Variants in TIRAP observed in about 807,000 individuals in gnomAD.
The protein encoded by TIRAP is TIR domain containing adaptor protein, also known as toll/interleukin-1 receptor domain-containing adapter protein.
TIRAP carries 20 observed loss-of-function variants against 19.8 expected under a neutral mutation model. That is an observed-to-expected ratio of 1.01 (90% CI 0.71 to 1.47). The LOEUF (loss-of-function observed/expected upper bound fraction) is 1.47. Among genes scored for constraint, TIRAP ranks in the 40% most tolerant of loss-of-function variants. The pLI, the probability that TIRAP is intolerant of heterozygous loss-of-function variation, is 0.00. For missense variants in TIRAP, 276 were observed against 285.1 expected (o/e 0.97, Z 0.23); for synonymous variants, 125 against 121.7 (o/e 1.03, Z -0.18).
Position 126,293,053 on chromosome 11 carries a change from G to T in TIRAP, c.644G>T (p.Arg215Leu). Residue 215 changes from arginine to leucine, a missense_variant and splice_region_variant, in exon 4 of 5, where the codon CGT (arginine) becomes CTT (leucine). By Grantham distance (102) the Arg-to-Leu change is moderately radical. Coordinates refer to ENST00000392679, the MANE Select transcript of TIRAP (RefSeq NM_001318777.2). Reference sequence around the variant, plus strand: ...CGTCAAGTCAAAGAAGCTGTCATGCGTTGTAAGCTACTACAGGAGGGAGAA... The same window carrying T: ...CGTCAAGTCAAAGAAGCTGTCATGCTTTGTAAGCTACTACAGGAGGGAGAA... The part of the protein sequence containing the change: ...GFRQVKEAVM[R>L]YLQTLS The T allele has an allele frequency of 6.2e-7, 1 of 1,614,154 alleles. No homozygotes were observed. The highest frequency in any genetic ancestry group is 8.5e-7 in the Non-Finnish European group (1 of 1,180,030).
chr11:126,285,244 T>TGATATAAGAC (rs34942060), intron 1 of TIRAP, among the ~76,000 whole-genome samples: 1 of 18,594 alleles, frequency 5.4e-5, no homozygotes, highest in Non-Finnish European at 1.7e-4. Context: ...TGTGTGTGTG[T>TGATATAAGAC]ATATATATAT....
Position 126,291,029 on chromosome 11 carries a change from G to T in TIRAP, c.67+68G>T, listed in dbSNP as rs1951378407. ...TAGTGCTCAGCCTCCATAGGGCGCGGTGGGAGGCCTGCCTGGTCCAAACTC... is the reference window on the plus strand; with the variant it reads ...TAGTGCTCAGCCTCCATAGGGCGCGTTGGGAGGCCTGCCTGGTCCAAACTC... On this transcript the variant is annotated intron_variant, in intron 3 of 4. Coordinates refer to ENST00000392679, the MANE Select transcript of TIRAP (RefSeq NM_001318777.2). The surrounding 1 kb of genome is among the most constrained non-coding windows in gnomAD (Gnocchi z 5.6). 3 of 1,518,868 alleles carry T rather than the reference G, an allele frequency of 2.0e-6. No homozygotes were observed. Among genetic ancestry groups the T allele is most frequent in the Non-Finnish European group, 2.7e-6 (3 of 1,127,420 alleles). The allele number at this position is 1,518,868 out of a possible 1,614,324, so 94.1% of individuals were successfully genotyped here. A position where few individuals can be genotyped will look rare whatever the true frequency, so the allele number is the denominator to read the frequency against.
chr11:126,285,348 G>C (rs927748553), intron 1 of TIRAP, among the ~76,000 whole-genome samples: 1 of 151,308 alleles, frequency 6.6e-6, no homozygotes, highest in Non-Finnish European at 1.5e-5. Flanking sequence ...TGCAACCTCC[G>C]TCTCCCAGGT....
chr11:126,285,561 T>C (rs1471441724), intron 1 of TIRAP, among the ~76,000 whole-genome samples: 1 of 151,664 alleles, frequency 6.6e-6, no homozygotes, highest in Non-Finnish European at 1.5e-5. Flanking sequence ...TGCCCAGCCC[T>C]GGATATATAT....
chr11:126,292,843 TGCTCATCACGCCGG>T lies in TIRAP; in HGVS notation c.438_451del (p.Ile147ProfsTer39). On this transcript the variant is annotated frameshift_variant, in exon 4 of 5. Coordinates refer to ENST00000392679, the MANE Select transcript of TIRAP (RefSeq NM_001318777.2). LOFTEE classifies it high-confidence loss of function. ...CTGAGCAGTAGTCACTGCCGGGTGC[TGCTCATCACGCCGG>T]GCTTCCTTCAGGACCCCTGGTGCAA... 6.2e-7 allele frequency: 1 copy of T among 1,613,264 alleles called. No individual in the cohort carries two copies. The highest frequency in any genetic ancestry group is 8.5e-7 in the Non-Finnish European group (1 of 1,179,950).
intron 1 of TIRAP, 37 bp downstream of exon 1, chr11:126,283,190 G>GA (rs1951275404): frequency 1.0e-6 from 1 of 964,466 alleles, no homozygotes; most frequent in African/African-American, 1.8e-5. Flanking sequence ...ACCGGGAGGC[G>GA]CGGCGGGGCT....
At chr11:126,285,095 CT>C in intron 1 of TIRAP, among the ~76,000 whole-genome samples, 1 of 151,782 alleles carries the variant, frequency 6.6e-6, no homozygotes. Flanking sequence ...GACTAATGAA[CT>C]GTTTTGATGT....
At chr11:126,293,227 G>A in intron 4 of TIRAP, 172 bp downstream of exon 4, 1 of 1,273,132 alleles carries the variant, frequency 7.9e-7, no homozygotes, top group Non-Finnish European at 1.1e-6. Context: ...AAAGTAACTT[G>A]GCCAAGTTAC....
Position 126,291,086 on chromosome 11 carries a change from T to C in TIRAP, c.67+125T>C. 8.3e-7 allele frequency: 1 copy of C among 1,199,236 alleles called. No homozygotes were observed. Among genetic ancestry groups the C allele is most frequent in the Non-Finnish European group, 1.2e-6 (1 of 868,456 alleles). The allele number at this position is 1,199,236 out of a possible 1,614,324, so 74.3% of individuals were successfully genotyped here. Reference sequence around the variant, plus strand: ...ACGCAGGAAGGCTGACGTGGGGAACTCCTGACCTGAATTCAGGGCCTGGAT... The same window carrying C: ...ACGCAGGAAGGCTGACGTGGGGAACCCCTGACCTGAATTCAGGGCCTGGAT... On this transcript the variant is annotated intron_variant, in intron 3 of 4. Coordinates refer to ENST00000392679, the MANE Select transcript of TIRAP (RefSeq NM_001318777.2). This position sits in a 1 kb window ranked among gnomAD's most constrained non-coding sequence, Gnocchi z 5.6.
At chr11:126,285,897 A>C (rs1440978289) in intron 1 of TIRAP, among the ~76,000 whole-genome samples, 1 of 151,652 alleles carries the variant, frequency 6.6e-6, no homozygotes, top group Non-Finnish European at 1.5e-5. Context: ...AAAAAATGAA[A>C]AAAATAAATT....
intron 1 of TIRAP, 133 bp downstream of exon 1, chr11:126,283,286 G>T (rs1336247761): frequency 8.3e-5 from 28 of 336,464 alleles, no homozygotes; most frequent in Non-Finnish European, 1.1e-4. Context: ...GCCGCCTCTG[G>T]TCCGGCCTTG....
Position 126,294,579 on chromosome 11 carries a change from T to C in TIRAP, c.*892T>C, listed in dbSNP as rs1199578753. The stretch of plus-strand genomic sequence containing the variant: ...TTTGGACTGGGAAGAATCACCATTT[T>C]TCTTCTGGCAGATGACTGTATTCCT... On this transcript the variant is annotated 3_prime_UTR_variant, in exon 5 of 5. Coordinates refer to ENST00000392679, the MANE Select transcript of TIRAP (RefSeq NM_001318777.2). 2.2e-6 allele frequency: 1 copy of C among 456,286 alleles called. No homozygotes were observed. Among genetic ancestry groups the C allele is most frequent in the Admixed American group, 2.3e-5 (1 of 42,576 alleles). The allele number at this position is 456,286 out of a possible 1,614,324, so 28.3% of individuals were successfully genotyped here.
chr11:126,291,041 C>T lies in TIRAP; in HGVS notation c.67+80C>T. On this transcript the variant is annotated intron_variant, in intron 3 of 4. Transcript: ENST00000392679. The surrounding 1 kb of genome is among the most constrained non-coding windows in gnomAD (Gnocchi z 5.6). ...TCCATAGGGCGCGGTGGGAGGCCTG[C>T]CTGGTCCAAACTCAGAGAGACGCAG... The T allele has an allele frequency of 6.8e-7, 1 of 1,477,814 alleles. No homozygotes were observed. 91.5% of individuals were successfully genotyped at this position (1,477,814 alleles called of 1,614,324 possible). A position where few individuals can be genotyped will look rare whatever the true frequency, so the allele number is the denominator to read the frequency against.
Position 126,294,650 on chromosome 11 carries a change from T to C in TIRAP, c.*963T>C, listed in dbSNP as rs753166870. 62 of 428,736 alleles carry C rather than the reference T, an allele frequency of 1.4e-4. No individual in the cohort carries two copies. The highest frequency in any genetic ancestry group is 6.8e-4 in the Middle Eastern group (2 of 2,950). The allele number at this position is 428,736 out of a possible 1,614,324, so 26.6% of individuals were successfully genotyped here. A position where few individuals can be genotyped will look rare whatever the true frequency, so the allele number is the denominator to read the frequency against. ...ATTCATCTGTTCTCAGTAAGTTTGT[T>C]GTTGAACTGAAATGAATTTCATTAT... is the stretch of plus-strand genomic sequence containing the variant. On this transcript the variant is annotated 3_prime_UTR_variant, in exon 5 of 5. Coordinates refer to ENST00000392679, the MANE Select transcript of TIRAP (RefSeq NM_001318777.2).
At position 126,293,794 on chromosome 11, in the gene TIRAP, T is replaced by A; in HGVS notation, c.*107T>A. 1 of 1,321,662 alleles carries A rather than the reference T, an allele frequency of 7.6e-7. No individual in the cohort carries two copies. Among genetic ancestry groups the A allele is most frequent in the Non-Finnish European group, 1.1e-6 (1 of 915,982 alleles). The allele number at this position is 1,321,662 out of a possible 1,614,324, so 81.9% of individuals were successfully genotyped here. On this transcript the variant is annotated 3_prime_UTR_variant, in exon 5 of 5. Transcript: ENST00000392679. The stretch of plus-strand genomic sequence containing the variant: ...TGTGACAAGAGGTATAGGGAGTGAG[T>A]CACAGCGCTTTGCTCGTGACCCTGG...
chr11:126,286,369 A>G (rs1033907416), intron 1 of TIRAP, among the ~76,000 whole-genome samples: 2 of 152,190 alleles, frequency 1.3e-5, no homozygotes, highest in Admixed American at 6.5e-5. Context: ...TCTGAAAAAA[A>G]AAGAAAGTCA....
chr11:126,289,338 G>A (rs1360225662), intron 1 of TIRAP, among the ~76,000 whole-genome samples: 2 of 152,170 alleles, frequency 1.3e-5, no homozygotes, highest in African/African-American at 2.4e-5. Context: ...GAGTGCAGTG[G>A]TATAATCTCA....
Position 126,287,317 on chromosome 11 carries a change from G to A in TIRAP, c.-216-3145G>A, listed in dbSNP as rs59512602. ...GATATTGGATACTAAATACACTTTG[G>A]ATTTTTTTTTTTTTATTTTTGAGAC... On this transcript the variant is annotated intron_variant, in intron 1 of 4. Coordinates refer to ENST00000392679, the MANE Select transcript of TIRAP (RefSeq NM_001318777.2). This position sits in a 1 kb window ranked among gnomAD's most constrained non-coding sequence, Gnocchi z 4.2. 7.4e-3 allele frequency among the ~76,000 whole-genome samples: 1,088 copies of A among 146,994 alleles called. 12 individuals carry two copies. Among genetic ancestry groups the A allele is most frequent in the African/African-American group, 0.024 (966 of 40,804 alleles).
rs1951436725 is a variant in TIRAP at position 126,293,693 on chromosome 11, G to A, written c.*6G>A. On this transcript the variant is annotated 3_prime_UTR_variant, in exon 5 of 5. Transcript: ENST00000392679. Reference sequence around the variant, plus strand: ...ATCTGCAGACACTCAGTTGACACTTGTTATATCATGGGACCCCGGAAATTG... The same window carrying A: ...ATCTGCAGACACTCAGTTGACACTTATTATATCATGGGACCCCGGAAATTG... 1.2e-6 allele frequency: 2 copies of A among 1,614,030 alleles called. No individual in the cohort carries two copies. The highest frequency in any genetic ancestry group is 2.2e-5 in the South Asian group (2 of 91,082).
Sources: allele counts gnomAD v4.1 joint callset (sites outside exome capture counted in the v4.1 genomes callset), GRCh38; gene constraint gnomAD v4.1.1; non-coding constraint Gnocchi (gnomAD v3.1); transcripts MANE v1.5; gene names NCBI Gene and HGNC (gene_info 2026-07-23, HGNC 2026-07-21).